The following CFAP157 variants were observed in gnomAD, a reference collection of about 807,000 sequenced individuals.
CFAP157 encodes the protein cilia and flagella associated protein 157.
In CFAP157, 43 loss-of-function variants were observed where a neutral mutation model predicts 57.8. The observed-to-expected ratio is 0.74, with a 90% CI of 0.58 to 0.96. The LOEUF is 0.96. Among genes scored for constraint, CFAP157 ranks in the 40% least tolerant of loss-of-function variants. CFAP157 has a pLI of 0.00. For synonymous variants in CFAP157, 267 were observed against 269.0 expected, an observed-to-expected ratio of 0.99 and a Z score of 0.07; for missense variants, 606 against 655.3, an observed-to-expected ratio of 0.92 and a Z score of 0.82.
At position 127,715,426 on chromosome 9, in the gene CFAP157, T is replaced by C; in HGVS notation, c.*1521T>C. On this transcript the variant is annotated 3_prime_UTR_variant, in exon 9 of 9. Coordinates refer to ENST00000373295, the MANE Select transcript of CFAP157 (RefSeq NM_001012502.3). This position sits in a 1 kb window ranked among gnomAD's most constrained non-coding sequence, Gnocchi z 5.8. ...AAGAAGTTTGGAGCCCGTCGAGCAC[T>C]GAACTCACCAGTTAAGAAAACAGAG... 1 of 1,446,654 alleles carries C rather than the reference T, an allele frequency of 6.9e-7. No homozygotes were observed. Among genetic ancestry groups the C allele is most frequent in the Non-Finnish European group, 9.5e-7 (1 of 1,052,354 alleles). The allele number at this position is 1,446,654 out of a possible 1,614,324, so 89.6% of individuals were successfully genotyped here.
rs1055964512 is a variant in CFAP157 at position 127,713,710 on chromosome 9, T to C, written c.1492-124T>C. The C allele has an allele frequency of 4.0e-5, 29 of 721,484 alleles. No homozygotes were observed. In the South Asian group the frequency reaches 4.4e-4, roughly 11 times the overall value. The allele number at this position is 721,484 out of a possible 1,614,324, so 44.7% of individuals were successfully genotyped here. A position where few individuals can be genotyped will look rare whatever the true frequency, so the allele number is the denominator to read the frequency against. On this transcript the variant is annotated intron_variant, in intron 8 of 8. Transcript: ENST00000373295. ...TTAGTAGAGACAGGGTTTCACCATG[T>C]TGGCCAGGCTGGTCTCGAACTCCTG...
At chr9:127,711,003 G>A (rs1842753569) in intron 3 of CFAP157, among the ~76,000 whole-genome samples, 1 of 152,122 alleles carries the variant, frequency 6.6e-6, no homozygotes, top group Admixed American at 6.5e-5. Flanking sequence ...CCACTTATTG[G>A]GATTAAATCA....
chr9:127,715,653 AC>A lies in CFAP157; in HGVS notation c.*1749del. The stretch of plus-strand genomic sequence containing the variant: ...GCCCGGCCTCATGCTGCCCCCATTC[AC>A]TCCGACACCGCCCCCTGACGTCATC... On this transcript the variant is annotated 3_prime_UTR_variant, in exon 9 of 9. Coordinates refer to ENST00000373295, the MANE Select transcript of CFAP157 (RefSeq NM_001012502.3). This position sits in a 1 kb window ranked among gnomAD's most constrained non-coding sequence, Gnocchi z 5.8. 1 of 1,607,108 alleles carries A rather than the reference AC, an allele frequency of 6.2e-7. No homozygotes were observed. The highest frequency in any genetic ancestry group is 8.5e-7 in the Non-Finnish European group (1 of 1,178,480).
At chr9:127,712,966 G>A (rs572650181) in intron 7 of CFAP157, 54 bp from the exon 8 acceptor site, 1 of 1,598,980 alleles carries the variant, frequency 6.3e-7, no homozygotes, top group Admixed American at 1.7e-5. Flanking sequence ...GCTCACCCTG[G>A]GCCAGAAACC....
chr9:127,712,343 T>C lies in CFAP157; in HGVS notation c.1131T>C (p.Ile377=), dbSNP rs1842785649. Residue 377 remains isoleucine (I), a synonymous_variant, in exon 6 of 9, where the codon ATT becomes ATC. Transcript: ENST00000373295. ...AGGCCACCTCCTTCCTACAGAACATTCTGCAGGTGAGCAGAAGGGAGAGAG... is the reference window on the plus strand; with the variant it reads ...AGGCCACCTCCTTCCTACAGAACATCCTGCAGGTGAGCAGAAGGGAGAGAG... The part of the protein sequence containing the change: ...LVQATSFLQN[I]LQMHRDEEDS... 1 of 1,613,740 alleles carries C rather than the reference T, an allele frequency of 6.2e-7. No individual in the cohort carries two copies.
rs1842834153 is a variant in CFAP157, at chr9:127,714,037, GCT to G, written c.*135_*136del. ...AGTAGATACCAAGGCTGGCGTGGCA[GCT>G]CTGTGGCAGTGGCTGGGTTGGTGGG... is the stretch of plus-strand genomic sequence containing the variant. On this transcript the variant is annotated 3_prime_UTR_variant, in exon 9 of 9. Coordinates refer to ENST00000373295, the MANE Select transcript of CFAP157 (RefSeq NM_001012502.3). 1 of 1,591,552 alleles carries G rather than the reference GCT, an allele frequency of 6.3e-7. No homozygotes were observed. The highest frequency in any genetic ancestry group is 1.3e-5 in the African/African-American group (1 of 74,494).
chr9:127,711,761 G>A (rs1159256799), intron 4 of CFAP157, 59 bp from the exon 5 acceptor site: 2 of 1,527,124 alleles, frequency 1.3e-6, no homozygotes, highest in African/African-American at 1.4e-5. Context: ...AGGCCTGGCT[G>A]TGTCTGCAGC....
Position 127,714,837 on chromosome 9 carries a change from G to T in CFAP157, c.*932G>T. ...ACTGAGGCCCCCCGAAGTACCCAAA[G>T]CCATGCAGCAACTGGAGCTCAACAG... On this transcript the variant is annotated 3_prime_UTR_variant, in exon 9 of 9. Coordinates refer to ENST00000373295, the MANE Select transcript of CFAP157 (RefSeq NM_001012502.3). 1 of 1,036,290 alleles carries T rather than the reference G, an allele frequency of 9.6e-7. No individual in the cohort carries two copies. Among genetic ancestry groups the T allele is most frequent in the Non-Finnish European group, 1.4e-6 (1 of 704,478 alleles). 64.2% of individuals were successfully genotyped at this position (1,036,290 alleles called of 1,614,324 possible).
chr9:127,714,104 G>A lies in CFAP157; in HGVS notation c.*199G>A, dbSNP rs117880987. On this transcript the variant is annotated 3_prime_UTR_variant, in exon 9 of 9. Coordinates refer to ENST00000373295, the MANE Select transcript of CFAP157 (RefSeq NM_001012502.3). The stretch of plus-strand genomic sequence containing the variant: ...AGGCAGCCATGGCCACTAGTGTCAC[G>A]GCCCCAGTGAGGGCCCCTGGCTTCG... 3,473 of 1,612,266 alleles carry A rather than the reference G, an allele frequency of 2.2e-3. 59 individuals carry two copies. In the Admixed American group the frequency reaches 0.037, roughly 17 times the overall value.
At chr9:127,707,303 T>G in intron 1 of CFAP157, 111 bp downstream of exon 1, 5 of 1,183,338 alleles carry the variant, frequency 4.2e-6, no homozygotes, top group Non-Finnish European at 5.9e-6. Context: ...TGACCTCCCC[T>G]GGGATGTCCA....
chr9:127,714,179 G>A lies in CFAP157; in HGVS notation c.*274G>A, dbSNP rs1343033078. Reference sequence around the variant, plus strand: ...GTCGGTGGCTCGATCCAGCAACAGAGGCAGCAGCTCCTGCTCAGCAGGGGA... The same window carrying A: ...GTCGGTGGCTCGATCCAGCAACAGAAGCAGCAGCTCCTGCTCAGCAGGGGA... On this transcript the variant is annotated 3_prime_UTR_variant, in exon 9 of 9. Coordinates refer to ENST00000373295, the MANE Select transcript of CFAP157 (RefSeq NM_001012502.3). 2 of 1,613,806 alleles carry A rather than the reference G, an allele frequency of 1.2e-6. No individual in the cohort carries two copies. The highest frequency in any genetic ancestry group is 1.7e-6 in the Non-Finnish European group (2 of 1,180,016).
At position 127,713,726 on chromosome 9, in the gene CFAP157, C is replaced by G. The variant is rs1014494443; in HGVS notation, c.1492-108C>G. On this transcript the variant is annotated intron_variant, in intron 8 of 8. Coordinates refer to ENST00000373295, the MANE Select transcript of CFAP157 (RefSeq NM_001012502.3). The stretch of plus-strand genomic sequence containing the variant: ...TTCACCATGTTGGCCAGGCTGGTCT[C>G]GAACTCCTGACGTCAAGCAATCCCC... 3 of 877,242 alleles carry G rather than the reference C, an allele frequency of 3.4e-6. No homozygotes were observed. In the East Asian group the frequency reaches 7.7e-5, roughly 22 times the overall value. 54.3% of individuals were successfully genotyped at this position (877,242 alleles called of 1,614,324 possible).
rs374361940 is a variant in CFAP157, at chr9:127,707,192, G to C, written c.161G>C (p.Arg54Pro). The part of the protein sequence containing the change: ...QIRDLEDRLA[R>P]YQRKWDELAV... ...CGAGACCTGGAGGACCGGCTAGCCC[G>C]GTGCGTGGGCTGGCGGGCAGGAGTC... Residue 54 changes from arginine to proline, a missense_variant and splice_region_variant, in exon 1 of 9, where the codon CGG becomes CCG. Coordinates refer to ENST00000373295, the MANE Select transcript of CFAP157 (RefSeq NM_001012502.3). 1 of 1,610,216 alleles carries C rather than the reference G, an allele frequency of 6.2e-7. No individual in the cohort carries two copies. Among genetic ancestry groups the C allele is most frequent in the Non-Finnish European group, 8.5e-7 (1 of 1,179,182 alleles).
chr9:127,709,713 G>C lies in CFAP157; in HGVS notation c.433+20G>C. On this transcript the variant is annotated intron_variant, in intron 2 of 8. Coordinates refer to ENST00000373295, the MANE Select transcript of CFAP157 (RefSeq NM_001012502.3). The surrounding 1 kb of genome is among the most constrained non-coding windows in gnomAD (Gnocchi z 4.7). Reference sequence around the variant, plus strand: ...TCCTTGGTGAGGAGGGGACTGGCTGGTGAGCCTGCAGGCACACATCCCAGC... The same window carrying C: ...TCCTTGGTGAGGAGGGGACTGGCTGCTGAGCCTGCAGGCACACATCCCAGC... 6.2e-7 allele frequency: 1 copy of C among 1,606,846 alleles called. No homozygotes were observed. The highest frequency in any genetic ancestry group is 8.5e-7 in the Non-Finnish European group (1 of 1,175,692).
chr9:127,708,017 G>C (rs1292739904), intron 1 of CFAP157, among the ~76,000 whole-genome samples: 4 of 152,174 alleles, frequency 2.6e-5, no homozygotes, highest in Non-Finnish European at 5.9e-5. Context: ...AGATGGGGAA[G>C]ACTGAGGCTC....
intron 6 of CFAP157, 119 bp from the exon 7 acceptor site, chr9:127,712,590 G>C (rs745660440): frequency 1.5e-5 from 24 of 1,577,512 alleles, no homozygotes; most frequent in Admixed American, 1.9e-5. Context: ...CTGAAGAATG[G>C]GTATCCCACC....
At position 127,714,457 on chromosome 9, in the gene CFAP157, T is replaced by TC; in HGVS notation, c.*555dup. The TC allele has an allele frequency of 6.2e-7, 1 of 1,612,888 alleles. No homozygotes were observed. Among genetic ancestry groups the TC allele is most frequent in the East Asian group, 2.2e-5 (1 of 44,868 alleles). On this transcript the variant is annotated 3_prime_UTR_variant, in exon 9 of 9. Coordinates refer to ENST00000373295, the MANE Select transcript of CFAP157 (RefSeq NM_001012502.3). ...GGATATGGGAGGGGCAGTTAGTGCC[T>TC]CCCTGGGGCAGTGTCCTTCCACCCC...
rs776140417 is a variant in CFAP157, at chr9:127,711,509, G to A, written c.855+13G>A. The A allele has an allele frequency of 1.9e-5, 30 of 1,610,146 alleles. No individual in the cohort carries two copies. The highest frequency in any genetic ancestry group is 1.1e-4 in the South Asian group (10 of 90,972). Reference sequence around the variant, plus strand: ...AGGCCACCAGAAGGTGTGCCTGCAGGCCTCAGCACAGGGCATTTGGCATGC... The same window carrying A: ...AGGCCACCAGAAGGTGTGCCTGCAGACCTCAGCACAGGGCATTTGGCATGC... On this transcript the variant is annotated intron_variant, in intron 4 of 8. Transcript: ENST00000373295.
intron 8 of CFAP157, 90 bp downstream of exon 8, chr9:127,713,296 T>C (rs1842812001): frequency 2.0e-6 from 2 of 992,994 alleles, no homozygotes; most frequent in Admixed American, 6.0e-5. Flanking sequence ...TGTGTGGCCC[T>C]GGGGATGTAA....
Sources: gnomAD v4.1 joint callset for allele counts (sites outside exome capture counted in the v4.1 genomes callset) on GRCh38, gnomAD v4.1.1 for gene constraint, Gnocchi (gnomAD v3.1) non-coding constraint, MANE v1.5 for transcripts, NCBI Gene and HGNC (gene_info 2026-07-23, HGNC 2026-07-21) for gene names.